SCMH1: variants seen among roughly 807,000 people sequenced by gnomAD.
The protein encoded by SCMH1 is polycomb protein SCMH1.
SCMH1 carries 37 observed loss-of-function variants against 70.8 expected under a neutral mutation model. The observed-to-expected ratio is 0.52, with a 90% CI of 0.40 to 0.69. The LOEUF (loss-of-function observed/expected upper bound fraction) is 0.69. Ranked by LOEUF, SCMH1 falls within the 30% of genes least tolerant of loss-of-function variation. SCMH1 has a pLI of 0.00. For missense variants in SCMH1, 607 were observed against 827.3 expected, an observed-to-expected ratio of 0.73 and a Z score of 3.27; for synonymous variants, 292 against 307.4, an observed-to-expected ratio of 0.95 and a Z score of 0.52.
chr1:41,145,395 C>T (rs1157876780), intron 5 of SCMH1, among the ~76,000 whole-genome samples: 2 of 152,052 alleles, frequency 1.3e-5, no homozygotes, highest in Admixed American at 1.3e-4. Context: ...AATTTCTGTA[C>T]TCTCAATTTT....
intron 1 of SCMH1, among the ~76,000 whole-genome samples, chr1:41,195,761 G>A (rs1247913192): frequency 6.6e-6 from 1 of 152,092 alleles, no homozygotes; most frequent in Non-Finnish European, 1.5e-5. Flanking sequence ...GATTTGAAAG[G>A]AAGAAGTAAA....
At chr1:41,135,112 A>G (rs1643061447) in intron 6 of SCMH1, among the ~76,000 whole-genome samples, 1 of 152,172 alleles carries the variant, frequency 6.6e-6, no homozygotes, top group Admixed American at 6.5e-5. Flanking sequence ...TAATAACAGT[A>G]TTCATACATG....
At chr1:41,195,966 G>C (rs1158726910) in intron 1 of SCMH1, among the ~76,000 whole-genome samples, 1 of 152,006 alleles carries the variant, frequency 6.6e-6, no homozygotes, top group Non-Finnish European at 1.5e-5. Context: ...CATTTAAATA[G>C]TATCAAAAAG....
intron 1 of SCMH1, among the ~76,000 whole-genome samples, chr1:41,232,113 G>A (rs182221469): frequency 7.3e-4 from 111 of 152,226 alleles, no homozygotes; most frequent in African/African-American, 2.5e-3. Context: ...TGGCTTTTGG[G>A]GAGGAAGAGA....
At chr1:41,143,901 T>C (rs566224655) in intron 5 of SCMH1, among the ~76,000 whole-genome samples, 1 of 152,230 alleles carries the variant, frequency 6.6e-6, no homozygotes. Context: ...TGATAATTCA[T>C]CCATATTAGT....
intron 8 of SCMH1, among the ~76,000 whole-genome samples, chr1:41,105,122 A>AT (rs577319762): frequency 0.082 from 11,734 of 143,594 alleles, 571 homozygotes; most frequent in South Asian, 0.13. Context: ...TGCTCAGCTA[A>AT]TTTTTTTTTT....
intron 1 of SCMH1, among the ~76,000 whole-genome samples, chr1:41,235,408 T>C (rs1197867502): frequency 6.6e-6 from 1 of 151,512 alleles, no homozygotes; most frequent in Non-Finnish European, 1.5e-5. Context: ...CCGTCTCTAC[T>C]AAAAATACAA....
chr1:41,071,718 AGTGGCATGGTTCTG>A (rs1656584308), intron 9 of SCMH1, among the ~76,000 whole-genome samples: 1 of 151,942 alleles, frequency 6.6e-6, no homozygotes, highest in South Asian at 2.1e-4. Context: ...GCTGGCATGC[AGTGGCATGGTTCTG>A]GTTCACTGCG....
At chr1:41,240,286 A>G (rs1012835770) in intron 1 of SCMH1, among the ~76,000 whole-genome samples, 1 of 152,256 alleles carries the variant, frequency 6.6e-6, no homozygotes, top group African/African-American at 2.4e-5. Flanking sequence ...GTACTTAAAC[A>G]GGATCCCAGA....
chr1:41,209,568 A>G (rs570682877), intron 1 of SCMH1, among the ~76,000 whole-genome samples: 33 of 152,388 alleles, frequency 2.2e-4, no homozygotes, highest in African/African-American at 7.9e-4. Context: ...CAACATATGC[A>G]AATCAATAAA....
At chr1:41,215,962 A>G (rs1478654679) in intron 1 of SCMH1, among the ~76,000 whole-genome samples, 1 of 152,196 alleles carries the variant, frequency 6.6e-6, no homozygotes, top group Non-Finnish European at 1.5e-5. Flanking sequence ...TTCAAAGGGG[A>G]AAAAAGCCTA....
intron 8 of SCMH1, among the ~76,000 whole-genome samples, chr1:41,105,279 T>TAG (rs1306022618): frequency 6.6e-6 from 1 of 152,150 alleles, no homozygotes; most frequent in Non-Finnish European, 1.5e-5. Context: ...TAGCTTTTAA[T>TAG]AATCTGTCAA....
chr1:41,050,202 T>C lies in SCMH1; in HGVS notation c.1106-1312A>G, dbSNP rs563149176. Among the ~76,000 whole-genome samples the C allele has an allele frequency of 3.9e-5, 6 of 152,236 alleles. No homozygotes were observed. In the East Asian group the frequency reaches 1.2e-3, roughly 29 times the overall value. On this transcript the variant is annotated intron_variant, in intron 10 of 14. Coordinates refer to ENST00000337495, the Ensembl canonical transcript of SCMH1. ...CTAACAGAGTTGTCTCTGGAGTTGTTCTCTCCTCAGGACCCACAGCAACCT... is the reference window on the plus strand; with the variant it reads ...CTAACAGAGTTGTCTCTGGAGTTGTCCTCTCCTCAGGACCCACAGCAACCT...
At chr1:41,059,834 T>G (rs1384235473) in intron 10 of SCMH1, among the ~76,000 whole-genome samples, 1 of 152,046 alleles carries the variant, frequency 6.6e-6, no homozygotes, top group Non-Finnish European at 1.5e-5. Context: ...GGGGTTTGAG[T>G]GCACGGCGCT....
Position 41,133,349 on chromosome 1 carries a change from C to T in SCMH1, c.412+9529G>A, listed in dbSNP as rs187787961. ...AGAGAAAGCAGAAAAGATCTAAAAT[C>T]GACACCCTAACATCACAATGAAAAG... is the stretch of plus-strand genomic sequence containing the variant. On this transcript the variant is annotated intron_variant, in intron 6 of 14. Transcript: ENST00000337495. Among the ~76,000 whole-genome samples, 88 of 151,896 alleles carry T rather than the reference C, an allele frequency of 5.8e-4. 1 individual carries two copies. Among genetic ancestry groups the T allele is most frequent in the South Asian group, 4.2e-4 (2 of 4,792 alleles).
At chr1:41,187,661 G>A (rs1650584587) in intron 1 of SCMH1, among the ~76,000 whole-genome samples, 1 of 151,706 alleles carries the variant, frequency 6.6e-6, no homozygotes, top group South Asian at 2.1e-4. Flanking sequence ...AGAGGTTAAG[G>A]CAGGAGGACC....
At chr1:41,186,200 C>A in exon 2 of SCMH1, 1 of 874,796 alleles carries the variant, frequency 1.1e-6, no homozygotes, top group South Asian at 1.4e-5. Flanking sequence ...TCCACCAATA[C>A]CTTGCTCTGA....
At chr1:41,166,762 A>G (rs1646436740) in intron 2 of SCMH1, among the ~76,000 whole-genome samples, 1 of 151,980 alleles carries the variant, frequency 6.6e-6, no homozygotes, top group Non-Finnish European at 1.5e-5. Context: ...TGAGATTTTC[A>G]ATATGTAAGA....
intron 10 of SCMH1, among the ~76,000 whole-genome samples, chr1:41,055,949 T>C (rs914262289): frequency 3.9e-5 from 6 of 152,120 alleles, no homozygotes; most frequent in African/African-American, 1.2e-4. Context: ...AGAATAAATT[T>C]TGCAAGTGGA....
Sources: gnomAD v4.1 joint callset for allele counts (sites outside exome capture counted in the v4.1 genomes callset) on GRCh38, gnomAD v4.1.1 for gene constraint, MANE v1.5 for transcripts, NCBI Gene and HGNC (gene_info 2026-07-23, HGNC 2026-07-21) for gene names.